The following CSPG4 variants were observed in gnomAD, a reference collection of about 807,000 sequenced individuals.
The protein encoded by CSPG4 is chondroitin sulfate proteoglycan 4 (melanoma-associated).
In CSPG4, 74 loss-of-function variants were observed where a neutral mutation model predicts 139.3. The observed-to-expected ratio is 0.53, with a 90% CI of 0.44 to 0.64. The LOEUF is 0.64. Ranked by LOEUF, CSPG4 falls within the 30% of genes least tolerant of loss-of-function variation. The pLI is 0.00. For synonymous variants in CSPG4, 1,234 were observed against 1,394.2 expected, an observed-to-expected ratio of 0.89 and a Z score of 2.56; for missense variants, 2,565 against 3,148.3, an observed-to-expected ratio of 0.81 and a Z score of 4.43.
At chr15:75,700,266 GC>G (rs1376297148) in intron 1 of CSPG4, among the ~76,000 whole-genome samples, 2 of 152,052 alleles carry the variant, frequency 1.3e-5, no homozygotes, top group Non-Finnish European at 2.9e-5. Context: ...TGGAGCATCT[GC>G]CAATGGCCCC....
intron 1 of CSPG4, among the ~76,000 whole-genome samples, chr15:75,711,990 C>G (rs374286752): frequency 6.6e-6 from 1 of 151,336 alleles, no homozygotes; most frequent in South Asian, 2.1e-4. Context: ...GGACAAGCCC[C>G]GCTGAGGGGC....
intron 1 of CSPG4, among the ~76,000 whole-genome samples, chr15:75,706,953 C>CTT (rs34579443): frequency 1.5e-5 from 2 of 136,528 alleles, no homozygotes; most frequent in African/African-American, 2.7e-5. Context: ...CACATAAGAA[C>CTT]TTTTTTTTTT....
rs1894127962 is a variant in CSPG4 at position 75,689,555 on chromosome 15, C to A, written c.1510G>T (p.Ala504Ser). Residue 504 changes from alanine to serine, a missense_variant, in exon 3 of 10, where the codon GCC becomes TCC. Physicochemically the swap from Ala to Ser is moderately conservative, Grantham distance 99. Transcript: ENST00000308508. ...FTLLDVVNRK[A>S]RFIHDGSEDT... is the part of the protein sequence containing the mutation. ...TCAGAGCCATCGTGGATGAAGCGGG[C>A]CTTGCGGTTCACCACGTCCAGGAGG... The A allele has an allele frequency of 3.1e-6, 5 of 1,612,616 alleles. No homozygotes were observed. In the South Asian group the frequency reaches 5.5e-5, roughly 18 times the overall value.
chr15:75,712,914 C>G, upstream of CSPG4: 2 of 577,310 alleles, frequency 3.5e-6, no homozygotes, highest in South Asian at 4.6e-5. Context: ...CGCGCGCCCG[C>G]TCGGGTTTCA....
chr15:75,692,381 A>G (rs1382198244), intron 2 of CSPG4, among the ~76,000 whole-genome samples: 4 of 152,146 alleles, frequency 2.6e-5, no homozygotes, highest in African/African-American at 9.7e-5. Flanking sequence ...TGGCCTCCCA[A>G]AGTGGTGGGA....
chr15:75,712,859 C>T (rs1036820302), upstream of CSPG4: 1 of 952,596 alleles, frequency 1.0e-6, no homozygotes, highest in African/African-American at 1.8e-5. Flanking sequence ...GGGCCGGCTC[C>T]GGGTGTCCGC....
At position 75,687,232 on chromosome 15, in the gene CSPG4, C is replaced by G; in HGVS notation, c.3789+44G>C. On this transcript the variant is annotated intron_variant, in intron 3 of 9. Transcript: ENST00000308508. This position sits in a 1 kb window ranked among gnomAD's most constrained non-coding sequence, Gnocchi z 5.4. ...CTGGCATGGAGGCTGGGAGAAGGCC[C>G]TCTACCTGGCCCACACCCCTGCTCA... is the stretch of plus-strand genomic sequence containing the variant. 2 of 1,603,696 alleles carry G rather than the reference C, an allele frequency of 1.2e-6. No individual in the cohort carries two copies. Among genetic ancestry groups the G allele is most frequent in the Non-Finnish European group, 1.7e-6 (2 of 1,178,108 alleles).
At chr15:75,694,996 C>A (rs1005388689) in intron 1 of CSPG4, among the ~76,000 whole-genome samples, 4 of 152,156 alleles carry the variant, frequency 2.6e-5, no homozygotes, top group African/African-American at 9.7e-5. Context: ...GCTGGAGCGG[C>A]TGACAGCAGC....
Position 75,684,530 on chromosome 15 carries a change from C to A in CSPG4, c.4449+206G>T, listed in dbSNP as rs59616622. Among the ~76,000 whole-genome samples the A allele has an allele frequency of 6.5e-3, 987 of 152,364 alleles. 12 individuals are homozygous for A. The highest frequency in any genetic ancestry group is 0.022 in the African/African-American group (923 of 41,582). On this transcript the variant is annotated intron_variant, in intron 5 of 9. Coordinates refer to ENST00000308508, the MANE Select transcript of CSPG4 (RefSeq NM_001897.5). ...GTCTGCCTACCATACTTGCAAACAT[C>A]CAATAAAAAAACTTCCCACCTGTGT...
In CSPG4 at chr15:75,675,471, C is replaced by G; in HGVS notation, c.*79G>C. ...TTGCTCTGGGGATACTCAGACAGCACCAGGCATGGAAGCAATGGGGCCCGG... is the reference window on the plus strand; with the variant it reads ...TTGCTCTGGGGATACTCAGACAGCAGCAGGCATGGAAGCAATGGGGCCCGG... On this transcript the variant is annotated 3_prime_UTR_variant, in exon 10 of 10. Coordinates refer to ENST00000308508, the MANE Select transcript of CSPG4 (RefSeq NM_001897.5). The G allele has an allele frequency of 7.2e-7, 1 of 1,381,484 alleles. No individual in the cohort carries two copies. The highest frequency in any genetic ancestry group is 1.5e-5 in the African/African-American group (1 of 68,714). 85.6% of individuals were successfully genotyped at this position (1,381,484 alleles called of 1,614,324 possible). A position where few individuals can be genotyped will look rare whatever the true frequency, so the allele number is the denominator to read the frequency against.
Position 75,683,543 on chromosome 15 carries a change from G to A in CSPG4, c.4450-502C>T, listed in dbSNP as rs139645129. On this transcript the variant is annotated intron_variant, in intron 5 of 9. Transcript: ENST00000308508. ...GGGGTGCGTGGCGCAGAGAGTGGGGGGCTGATGGTTGGCACTGTTCTGCAG... is the reference window on the plus strand; with the variant it reads ...GGGGTGCGTGGCGCAGAGAGTGGGGAGCTGATGGTTGGCACTGTTCTGCAG... Among the ~76,000 whole-genome samples the A allele has an allele frequency of 1.7e-3, 265 of 152,300 alleles. 2 individuals are homozygous for A. The highest frequency in any genetic ancestry group is 5.5e-3 in the African/African-American group (230 of 41,566).
rs1200617419 is a variant in CSPG4 at position 75,688,497 on chromosome 15, C to T, written c.2568G>A (p.Arg856=). 3 of 1,613,082 alleles carry T rather than the reference C, an allele frequency of 1.9e-6. No homozygotes were observed. The highest frequency in any genetic ancestry group is 2.5e-6 in the Non-Finnish European group (3 of 1,180,048). The change falls in exon 3 of 10, where the codon CGG becomes CGA. Residue 856 remains arginine (R), a synonymous_variant. Transcript: ENST00000308508. ...GFTQDDIQAG[R]VTYGATARAS... ...CACGTGCTGTGGCCCCATAGGTCAC[C>T]CGGCCAGCCTGTATGTCATCCTGGG...
Position 75,696,719 on chromosome 15 carries a change from TCCTC to T in CSPG4, c.89-3490_89-3487del, listed in dbSNP as rs1447270201. On this transcript the variant is annotated intron_variant, in intron 1 of 9. Transcript: ENST00000308508. This position sits in a 1 kb window ranked among gnomAD's most constrained non-coding sequence, Gnocchi z 4.2. ...GGTACATCCTCAGGCTTCCCACCCT[TCCTC>T]CCCATAAACAGGGCACTGCTGTCTG... Among the ~76,000 whole-genome samples, 2 of 152,104 alleles carry T rather than the reference TCCTC, an allele frequency of 1.3e-5. No individual in the cohort carries two copies. The highest frequency in any genetic ancestry group is 2.4e-5 in the African/African-American group (1 of 41,428).
In CSPG4 at chr15:75,690,405, A is replaced by C; in HGVS notation, c.660T>G (p.Thr220=). 6.2e-7 allele frequency: 1 copy of C among 1,608,898 alleles called. No homozygotes were observed. Among genetic ancestry groups the C allele is most frequent in the East Asian group, 2.2e-5 (1 of 44,814 alleles). Residue 220 remains threonine, a synonymous_variant, in exon 3 of 10, where the codon ACT becomes ACG. Transcript: ENST00000308508. ...HSLAAFPAWG[T]QDEGTLEFTL... ...TAAACTCTAGGGTTCCTTCGTCCTG[A>C]GTGCCCCAGGCAGGGAAGGCAGCCA... is the stretch of plus-strand genomic sequence containing the variant.
In CSPG4 at chr15:75,682,403, CAG is replaced by C; in HGVS notation, c.4838_4839del (p.Thr1613ArgfsTer46). ...ACACGGTAGAGCAGGAGCTGGGGGT[CAG>C]TGCCTGCGCTGGAGCTGGCCCTGAG... ...QTLRASSSAG[T>X]DPQLLLYRVV... On this transcript the variant is annotated frameshift_variant, in exon 8 of 10. Transcript: ENST00000308508. LOFTEE classifies it high-confidence loss of function. The C allele has an allele frequency of 6.3e-7, 1 of 1,595,788 alleles. No homozygotes were observed. Among genetic ancestry groups the C allele is most frequent in the Non-Finnish European group, 8.5e-7 (1 of 1,179,136 alleles).
chr15:75,700,984 C>G (rs946965636), intron 1 of CSPG4, among the ~76,000 whole-genome samples: 5 of 152,172 alleles, frequency 3.3e-5, no homozygotes, highest in African/African-American at 1.2e-4. Context: ...AGGGCTCACA[C>G]CCCCAGCACA....
chr15:75,674,748 A>G lies in CSPG4; in HGVS notation c.*802T>C. The G allele has an allele frequency of 2.5e-6, 1 of 398,702 alleles. No homozygotes were observed. Among genetic ancestry groups the G allele is most frequent in the East Asian group, 3.6e-5 (1 of 28,068 alleles). The allele number at this position is 398,702 out of a possible 1,614,324, so 24.7% of individuals were successfully genotyped here. A position where few individuals can be genotyped will look rare whatever the true frequency, so the allele number is the denominator to read the frequency against. ...CGGCCTGAGACCCTCGATGAGCCCC[A>G]GCCTAACCTGCTCCAAAGCCACTGA... On this transcript the variant is annotated 3_prime_UTR_variant, in exon 10 of 10. Transcript: ENST00000308508.
intron 8 of CSPG4, chr15:75,680,039 G>A (rs747372667): frequency 6.6e-6 from 1 of 152,250 alleles, no homozygotes; most frequent in Non-Finnish European, 1.5e-5. Context: ...AGAAAAACAG[G>A]ACTTGCCCAA....
chr15:75,685,467 C>T lies in CSPG4; in HGVS notation c.4024G>A (p.Ala1342Thr). The change falls in exon 4 of 10, where the codon GCT (alanine) becomes ACT (threonine). Residue 1342 changes from alanine (A) to threonine (T), a missense_variant. Ala to Thr is a moderately conservative substitution (Grantham distance 58). This residue lies in a region of CSPG4 where 2,316 missense variants were observed against 2,818.2 expected (regional missense o/e 0.82). Coordinates refer to ENST00000308508, the MANE Select transcript of CSPG4 (RefSeq NM_001897.5). ...TCCACAAGGACGCCCTCGAGGGGAG[C>T]ACCCAGGCCTGAGGCCACATCCAGC... ...FSLDVASGLG[A>T]PLEGVLVELE... is the part of the protein sequence containing the mutation. 1 of 1,612,284 alleles carries T rather than the reference C, an allele frequency of 6.2e-7. No homozygotes were observed. Among genetic ancestry groups the T allele is most frequent in the Non-Finnish European group, 8.5e-7 (1 of 1,179,920 alleles).
Sources: gnomAD v4.1 joint callset for allele counts (sites outside exome capture counted in the v4.1 genomes callset) on GRCh38, gnomAD v4.1.1 for gene constraint, gnomAD v4.1.1 regional missense constraint, Gnocchi (gnomAD v3.1) non-coding constraint, MANE v1.5 for transcripts, NCBI Gene and HGNC (gene_info 2026-07-23, HGNC 2026-07-21) for gene names.